ATP2B3: variants seen among roughly 807,000 people sequenced by gnomAD.
ATP2B3 encodes ATPase plasma membrane Ca2+ transporting 3.
A neutral mutation model predicts 70.8 loss-of-function variants in ATP2B3; 12 were observed. The observed-to-expected ratio is 0.17, with a 90% CI of 0.11 to 0.27. The LOEUF (loss-of-function observed/expected upper bound fraction) is 0.27. Ranked by LOEUF, ATP2B3 falls within the 10% of genes least tolerant of loss-of-function variation. The pLI is 1.00. For missense variants in ATP2B3, 858 were observed against 1,118.5 expected (o/e 0.77, Z 3.32); for synonymous variants, 460 against 497.8 (o/e 0.92, Z 1.01).
chrX:153,580,408 G>T lies in ATP2B3; in HGVS notation c.*110G>T. 1.2e-6 allele frequency: 1 copy of T among 820,356 alleles called. No individual in the cohort carries two copies. The highest frequency in any genetic ancestry group is 3.4e-5 in the East Asian group (1 of 29,824). The allele number at this position is 820,356 out of a possible 1,213,427, so 67.6% of individuals were successfully genotyped here. ...GGGACCTGCACACCTGCAAAACGAG[G>T]GAACAACTAAGGTGGCTGAAGACCT... On this transcript the variant is annotated 3_prime_UTR_variant, in exon 22 of 22. Transcript: ENST00000263519.
At chrX:153,545,096 G>C (rs782187397) in intron 7 of ATP2B3, among the ~76,000 whole-genome samples, 197 of 113,046 alleles carry the variant, frequency 1.7e-3, no homozygotes, top group Non-Finnish European at 3.1e-3. Flanking sequence ...TAGGGTCGGG[G>C]GGGGGGCCCT....
At chrX:153,558,027 A>G (rs2090568187) in intron 16 of ATP2B3, 85 bp from the exon 17 acceptor site, 1 of 1,000,150 alleles carries the variant, frequency 1.0e-6, no homozygotes, top group Non-Finnish European at 1.3e-6. Context: ...GCAGGGAGCC[A>G]GCCCAGGCGG....
intron 12 of ATP2B3, among the ~76,000 whole-genome samples, chrX:153,552,135 T>G (rs1180905573): frequency 2.7e-5 from 3 of 112,280 alleles, no homozygotes; most frequent in African/African-American, 9.7e-5. Flanking sequence ...TTTCTGTGCT[T>G]CTTTTTTGGT....
At chrX:153,569,421 A>G in intron 21 of ATP2B3, 2 of 522,331 alleles carry the variant, frequency 3.8e-6, no homozygotes, top group South Asian at 5.6e-5. Flanking sequence ...GGTGGCACAG[A>G]GGCTGGCCTC....
intron 17 of ATP2B3, among the ~76,000 whole-genome samples, chrX:153,558,742 A>G (rs1328041077): frequency 8.9e-6 from 1 of 112,233 alleles, no homozygotes; most frequent in African/African-American, 3.2e-5. Context: ...ACACCGTAGC[A>G]TAGGGCAGGA....
In ATP2B3 at chrX:153,541,908, A is replaced by G; in HGVS notation, c.646A>G (p.Ile216Val). The change falls in exon 5 of 22, where the codon ATT becomes GTT. Residue 216 changes from isoleucine (I) to valine (V), a missense_variant. By Grantham distance (29) the Ile-to-Val change is conservative (BLOSUM62 3). Around this residue, in one of 5 missense-constraint regions of ATP2B3, gnomAD observed 278 missense variants for 366.2 expected, o/e 0.76. Coordinates refer to ENST00000263519, the MANE Select transcript of ATP2B3 (RefSeq NM_001001344.3). The part of the protein sequence containing the change: ...VPVAALVVGD[I>V]AQVKYGDLLP... ...CGTGGCTGCGCTGGTGGTGGGGGAC[A>G]TTGCCCAGGTCAAGTACGGTGAGTG... The G allele has an allele frequency of 7.4e-6, 9 of 1,211,105 alleles. No homozygotes were observed. Among genetic ancestry groups the G allele is most frequent in the East Asian group, 3.0e-5 (1 of 33,820 alleles).
intron 21 of ATP2B3, among the ~76,000 whole-genome samples, chrX:153,577,431 G>A (rs1303549273): frequency 8.9e-6 from 1 of 112,353 alleles, no homozygotes; most frequent in Non-Finnish European, 1.9e-5. Context: ...TGGGGTCAAG[G>A]CCTGCAGCAC....
At chrX:153,563,469 G>A (rs1177259970) in intron 20 of ATP2B3, among the ~76,000 whole-genome samples, 2 of 112,074 alleles carry the variant, frequency 1.8e-5, no homozygotes, top group Non-Finnish European at 3.8e-5. Flanking sequence ...CTCTGTGCCG[G>A]CCACAGGGGC....
Position 153,582,491 on chromosome X carries a change from C to T in ATP2B3, c.*2193C>T, listed in dbSNP as rs781850898. On this transcript the variant is annotated 3_prime_UTR_variant, in exon 22 of 22. Coordinates refer to ENST00000263519, the MANE Select transcript of ATP2B3 (RefSeq NM_001001344.3). ...TCACCGGCTTCTTCTCACTCTCTGT[C>T]GTAGACACACCGATAGGACCAATGG... 2 of 112,773 alleles carry T rather than the reference C, an allele frequency of 1.8e-5. No homozygotes were observed. Among genetic ancestry groups the T allele is most frequent in the Non-Finnish European group, 3.7e-5 (2 of 53,350 alleles). The allele number at this position is 112,773 out of a possible 1,213,427, so 9.3% of individuals were successfully genotyped here.
Position 153,580,398 on chromosome X carries a change from G to A in ATP2B3, c.*100G>A. ...CACACATATGGGGACCTGCACACCTGCAAAACGAGGGAACAACTAAGGTGG... is the reference window on the plus strand; with the variant it reads ...CACACATATGGGGACCTGCACACCTACAAAACGAGGGAACAACTAAGGTGG... On this transcript the variant is annotated 3_prime_UTR_variant, in exon 22 of 22. Coordinates refer to ENST00000263519, the MANE Select transcript of ATP2B3 (RefSeq NM_001001344.3). The A allele has an allele frequency of 1.2e-6, 1 of 859,522 alleles. No homozygotes were observed. Among genetic ancestry groups the A allele is most frequent in the Non-Finnish European group, 1.6e-6 (1 of 621,327 alleles). 70.8% of individuals were successfully genotyped at this position (859,522 alleles called of 1,213,427 possible).
intron 8 of ATP2B3, among the ~76,000 whole-genome samples, chrX:153,546,903 C>G (rs1307297840): frequency 8.9e-6 from 1 of 112,105 alleles, no homozygotes; most frequent in Non-Finnish European, 1.9e-5. Flanking sequence ...AGGTGGGGCA[C>G]AAAGCTGGAG....
chrX:153,575,655 G>T (rs1049373026), intron 21 of ATP2B3, among the ~76,000 whole-genome samples: 5 of 111,964 alleles, frequency 4.5e-5, no homozygotes. Flanking sequence ...GGGCCGGGGG[G>T]GTTGGGCCTG....
intron 19 of ATP2B3, among the ~76,000 whole-genome samples, chrX:153,561,352 G>A (rs782611928): frequency 3.6e-5 from 4 of 112,340 alleles, no homozygotes; most frequent in African/African-American, 9.7e-5. Context: ...TCTAGGAGGG[G>A]CTAAGTGTTC....
chrX:153,534,782 G>A (rs1004390173), intron 2 of ATP2B3, among the ~76,000 whole-genome samples: 9 of 113,301 alleles, frequency 7.9e-5, no homozygotes, highest in African/African-American at 2.9e-4. Flanking sequence ...GAGTAAACGC[G>A]CAGGTGCCCA....
intron 21 of ATP2B3, among the ~76,000 whole-genome samples, chrX:153,575,278 C>T (rs1162276344): frequency 8.9e-6 from 1 of 112,685 alleles, no homozygotes; most frequent in Non-Finnish European, 1.9e-5. Flanking sequence ...GTGCAGCGAG[C>T]CAGACAGACA....
At chrX:153,557,525 G>A (rs1264414630) in intron 16 of ATP2B3, among the ~76,000 whole-genome samples, 13 of 112,295 alleles carry the variant, frequency 1.2e-4, no homozygotes, top group Non-Finnish European at 3.8e-5. Context: ...TACCGAAAAG[G>A]AGTGTCACCC....
At chrX:153,564,477 T>C (rs920053358) in intron 20 of ATP2B3, among the ~76,000 whole-genome samples, 2 of 112,729 alleles carry the variant, frequency 1.8e-5, no homozygotes, top group African/African-American at 3.2e-5. Flanking sequence ...AAGCAGGATG[T>C]TCCAGGGGCT....
intron 13 of ATP2B3, among the ~76,000 whole-genome samples, chrX:153,554,582 G>T (rs2090507598): frequency 3.5e-5 from 4 of 112,698 alleles, no homozygotes; most frequent in Admixed American, 2.8e-4. Context: ...CGCACAGAAG[G>T]CCCAGCGAAG....
chrX:153,526,029 A>G (rs782539834), intron 2 of ATP2B3, among the ~76,000 whole-genome samples: 1 of 112,426 alleles, frequency 8.9e-6, no homozygotes, highest in Non-Finnish European at 1.9e-5. Context: ...CGCCCCATCC[A>G]CCCTTCCCCG....
Sources: allele counts gnomAD v4.1 joint callset (sites outside exome capture counted in the v4.1 genomes callset), GRCh38; gene constraint gnomAD v4.1.1; regional missense constraint gnomAD v4.1.1; transcripts MANE v1.5; gene names NCBI Gene and HGNC (gene_info 2026-07-23, HGNC 2026-07-21).